Variants in NTRK2 observed in about 807,000 individuals in gnomAD.
The protein encoded by NTRK2 is BDNF/NT-3 growth factors receptor.
In NTRK2, 13 loss-of-function variants were observed where a neutral mutation model predicts 94.5. That is an observed-to-expected ratio of 0.14 (90% CI 0.09 to 0.22). The LOEUF is 0.22. Ranked by LOEUF, NTRK2 falls within the 10% of genes least tolerant of loss-of-function variation. The pLI, the probability that NTRK2 is intolerant of heterozygous loss-of-function variation, is 1.00. For missense variants in NTRK2, 639 were observed against 1,071.2 expected (o/e 0.60, Z 5.63); for synonymous variants, 372 against 407.4 (o/e 0.91, Z 1.05).
intron 12 of NTRK2, among the ~76,000 whole-genome samples, chr9:84,835,292 A>G (rs1344441785): frequency 6.6e-6 from 1 of 152,122 alleles, no homozygotes; most frequent in Non-Finnish European, 1.5e-5. Flanking sequence ...CTTCATCATT[A>G]TCAATCATCA....
intron 12 of NTRK2, among the ~76,000 whole-genome samples, chr9:84,784,029 A>C (rs530277626): frequency 6.6e-6 from 1 of 152,256 alleles, no homozygotes; most frequent in South Asian, 2.1e-4. Flanking sequence ...TAATATTAGC[A>C]GGCTGTAAAG....
intron 12 of NTRK2, among the ~76,000 whole-genome samples, chr9:84,826,551 G>A (rs2073203023): frequency 6.6e-6 from 1 of 152,134 alleles, no homozygotes; most frequent in Non-Finnish European, 1.5e-5. Flanking sequence ...GAACAGAGTT[G>A]AACTGAGAGG....
intron 12 of NTRK2, among the ~76,000 whole-genome samples, chr9:84,759,266 C>T (rs891610615): frequency 6.6e-6 from 1 of 152,222 alleles, no homozygotes; most frequent in Non-Finnish European, 1.5e-5. Context: ...TTACTTCTTT[C>T]CCTGCCAACA....
intron 14 of NTRK2, among the ~76,000 whole-genome samples, chr9:84,879,212 T>G (rs1350038518): frequency 2.0e-5 from 3 of 151,424 alleles, no homozygotes; most frequent in South Asian, 2.1e-4. Flanking sequence ...CAAAGAGAGA[T>G]AGATTCTTTG....
chr9:84,968,227 A>C (rs1825781885), intron 17 of NTRK2, among the ~76,000 whole-genome samples: 1 of 151,536 alleles, frequency 6.6e-6, no homozygotes, highest in Non-Finnish European at 1.5e-5. Flanking sequence ...TCAAACAAAA[A>C]CTCCATGCTC....
chr9:84,861,410 G>A (rs1341571107), intron 13 of NTRK2, among the ~76,000 whole-genome samples: 1 of 152,188 alleles, frequency 6.6e-6, no homozygotes, highest in Admixed American at 6.5e-5. Context: ...TCAGCTACAT[G>A]TACAGGGAAT....
Position 85,021,781 on chromosome 9 carries a change from C to T in NTRK2, c.*344C>T, listed in dbSNP as rs1832794502. 1 of 371,184 alleles carries T rather than the reference C, an allele frequency of 2.7e-6. No individual in the cohort carries two copies. The highest frequency in any genetic ancestry group is 2.0e-5 in the African/African-American group (1 of 49,532). The allele number at this position is 371,184 out of a possible 1,614,324, so 23.0% of individuals were successfully genotyped here. A position where few individuals can be genotyped will look rare whatever the true frequency, so the allele number is the denominator to read the frequency against. Reference sequence around the variant, plus strand: ...TCTGGCTTCTGCATTACTATTAACTCTGCATAGACAAAGGCCTTAACAAAC... The same window carrying T: ...TCTGGCTTCTGCATTACTATTAACTTTGCATAGACAAAGGCCTTAACAAAC... On this transcript the variant is annotated 3_prime_UTR_variant, in exon 19 of 19. Transcript: ENST00000277120.
chr9:84,847,603 C>T (rs182761212), intron 12 of NTRK2, among the ~76,000 whole-genome samples: 11 of 152,274 alleles, frequency 7.2e-5, no homozygotes, highest in East Asian at 1.9e-4. Context: ...AAGAAAATTA[C>T]GGCTTATGTC....
intron 12 of NTRK2, among the ~76,000 whole-genome samples, chr9:84,802,362 C>G (rs2070588670): frequency 6.6e-6 from 1 of 152,152 alleles, no homozygotes; most frequent in Non-Finnish European, 1.5e-5. Flanking sequence ...TATATAAATT[C>G]CACTTGAACC....
intron 4 of NTRK2, among the ~76,000 whole-genome samples, chr9:84,705,717 C>T (rs1405777303): frequency 6.6e-6 from 1 of 151,230 alleles, no homozygotes; most frequent in East Asian, 1.9e-4. Flanking sequence ...AAGCATTGTG[C>T]CTTAGAAACT....
chr9:84,849,473 C>T (rs537522778), intron 12 of NTRK2, among the ~76,000 whole-genome samples: 57 of 152,258 alleles, frequency 3.7e-4, no homozygotes, highest in African/African-American at 1.3e-3. Flanking sequence ...TGGATCCGTG[C>T]TATACCAAAT....
chr9:84,959,470 T>C (rs537237572), intron 17 of NTRK2, among the ~76,000 whole-genome samples: 1 of 152,346 alleles, frequency 6.6e-6, no homozygotes, highest in Admixed American at 6.5e-5. Context: ...GGGATAGCCA[T>C]GTCTCTGTGC....
At chr9:84,854,045 C>T (rs1271071118) in intron 12 of NTRK2, among the ~76,000 whole-genome samples, 1 of 146,410 alleles carries the variant, frequency 6.8e-6, no homozygotes, top group African/African-American at 2.6e-5. Flanking sequence ...GCACTCCAGC[C>T]TGGGCAACAG....
intron 14 of NTRK2, chr9:84,871,737 C>T: frequency 6.7e-7 from 1 of 1,499,938 alleles, no homozygotes; most frequent in South Asian, 1.1e-5. Context: ...CTGAACAGGG[C>T]TGAATTCCTC....
At chr9:84,969,231 C>T (rs1305791539) in intron 17 of NTRK2, among the ~76,000 whole-genome samples, 5 of 152,246 alleles carry the variant, frequency 3.3e-5, no homozygotes, top group Admixed American at 6.5e-5. Context: ...TATTTTAATA[C>T]TCCATGTCAT....
chr9:84,808,364 T>C (rs112837959), intron 12 of NTRK2, among the ~76,000 whole-genome samples: 1 of 152,160 alleles, frequency 6.6e-6, no homozygotes, highest in Admixed American at 6.5e-5. Context: ...CATAAACCCA[T>C]TGGAAATAAG....
intron 17 of NTRK2, among the ~76,000 whole-genome samples, chr9:84,985,716 A>G (rs1301200720): frequency 6.6e-6 from 1 of 152,236 alleles, no homozygotes; most frequent in African/African-American, 2.4e-5. Context: ...GCATGGAAGT[A>G]ATGTTCTTGT....
rs369162349 is a variant in NTRK2, at chr9:84,870,320, G to GGTGTGTGTGTGT, written c.1633+2890_1633+2901dup. ...TACATGTACATATACATATATGTGG[G>GGTGTGTGTGTGT]GTGTGTGTGTGTATATATATATATA... On this transcript the variant is annotated intron_variant, in intron 14 of 18. Transcript: ENST00000277120. 3.0e-3 allele frequency among the ~76,000 whole-genome samples: 138 copies of GGTGTGTGTGTGT among 46,334 alleles called. 5 individuals are homozygous for GGTGTGTGTGTGT. In the East Asian group the frequency reaches 0.041, roughly 14 times the overall value. The allele number at this position is 46,334 out of a possible 152,430, so 30.4% of individuals were successfully genotyped here.
chr9:84,988,944 A>G (rs1430546680), intron 17 of NTRK2, among the ~76,000 whole-genome samples: 5 of 152,334 alleles, frequency 3.3e-5, no homozygotes, highest in Non-Finnish European at 4.4e-5. Flanking sequence ...TTTTTGATAC[A>G]AGCTGGGACT....
Sources: gnomAD v4.1 joint callset for allele counts (sites outside exome capture counted in the v4.1 genomes callset) on GRCh38, gnomAD v4.1.1 for gene constraint, MANE v1.5 for transcripts, NCBI Gene and HGNC (gene_info 2026-07-23, HGNC 2026-07-21) for gene names.